The following MACROD2 variants were observed in gnomAD, a reference collection of about 807,000 sequenced individuals.
MACROD2 encodes mono-ADP ribosylhydrolase 2, also known as ADP-ribose glycohydrolase MACROD2.
A neutral mutation model predicts 70.4 loss-of-function variants in MACROD2; 36 were observed. That is an observed-to-expected ratio of 0.51 (90% CI 0.39 to 0.68). The LOEUF is 0.68. MACROD2 is among the 30% of genes least tolerant of loss of function. MACROD2 has a pLI of 0.00. For missense variants in MACROD2, 496 were observed against 538.4 expected (o/e 0.92, Z 0.78); for synonymous variants, 172 against 178.8 (o/e 0.96, Z 0.30).
rs181683408 is a variant in MACROD2 at position 14,760,134 on chromosome 20, C to G, written c.418+75175C>G. Among the ~76,000 whole-genome samples, 174 of 152,144 alleles carry G rather than the reference C, an allele frequency of 1.1e-3. 1 individual carries two copies. The highest frequency in any genetic ancestry group is 3.3e-3 in the Admixed American group (50 of 15,296). On this transcript the variant is annotated intron_variant, in intron 5 of 17. Coordinates refer to ENST00000684519, the MANE Select transcript of MACROD2 (RefSeq NM_001351661.2). ...GAGAGGATTCATGTGTTGCACAGAA[C>G]TCCCAAGGGGAAAATAACAACTGCA...
intron 8 of MACROD2, among the ~76,000 whole-genome samples, chr20:15,749,835 G>T (rs541154553): frequency 2.0e-5 from 3 of 152,010 alleles, no homozygotes; most frequent in African/African-American, 7.2e-5. Context: ...CCTATCTCTC[G>T]CTACATACAA....
intron 3 of MACROD2, among the ~76,000 whole-genome samples, chr20:14,156,879 A>T (rs1942204786): frequency 1.3e-5 from 2 of 152,218 alleles, no homozygotes; most frequent in Non-Finnish European, 2.9e-5. Context: ...TGTAAGGGTC[A>T]TTGTGAGCAG....
At chr20:14,836,916 T>C (rs1476423688) in intron 5 of MACROD2, among the ~76,000 whole-genome samples, 2 of 152,070 alleles carry the variant, frequency 1.3e-5, no homozygotes, top group Non-Finnish European at 2.9e-5. Flanking sequence ...CAAGAACTAT[T>C]TGGTGAAATA....
intron 8 of MACROD2, among the ~76,000 whole-genome samples, chr20:15,693,800 T>G (rs1163399748): frequency 6.6e-6 from 1 of 152,194 alleles, no homozygotes; most frequent in Admixed American, 6.5e-5. Flanking sequence ...TTTGAGATTT[T>G]GGTGCACATA....
intron 5 of MACROD2, among the ~76,000 whole-genome samples, chr20:14,957,302 GA>G (rs752203938): frequency 1.3e-5 from 2 of 151,978 alleles, no homozygotes; most frequent in Non-Finnish European, 2.9e-5. Context: ...CACATTTGTG[GA>G]AATTGGAACT....
intron 8 of MACROD2, among the ~76,000 whole-genome samples, chr20:15,515,905 C>G (rs961410070): frequency 6.6e-6 from 1 of 152,156 alleles, no homozygotes; most frequent in African/African-American, 2.4e-5. Flanking sequence ...TGGAGTTAGG[C>G]AGCTTTAGAC....
intron 4 of MACROD2, among the ~76,000 whole-genome samples, chr20:14,669,846 A>G (rs1316613836): frequency 6.6e-6 from 1 of 151,944 alleles, no homozygotes; most frequent in Non-Finnish European, 1.5e-5. Context: ...GTGCCTTGCA[A>G]CTACGCCTAT....
chr20:15,556,547 C>A (rs2048171908), intron 8 of MACROD2, among the ~76,000 whole-genome samples: 1 of 152,136 alleles, frequency 6.6e-6, no homozygotes, highest in African/African-American at 2.4e-5. Flanking sequence ...TAATGAAGTT[C>A]TTCAATGATA....
intron 3 of MACROD2, among the ~76,000 whole-genome samples, chr20:14,379,584 C>A (rs6110266): frequency 6.6e-6 from 1 of 151,856 alleles, no homozygotes; most frequent in Non-Finnish European, 1.5e-5. Context: ...AAATAGAAAC[C>A]CTGTAATGAG....
intron 3 of MACROD2, among the ~76,000 whole-genome samples, chr20:14,302,642 T>A (rs1444754363): frequency 6.6e-6 from 1 of 152,036 alleles, no homozygotes; most frequent in Non-Finnish European, 1.5e-5. Flanking sequence ...GAATTCAGAC[T>A]TGGAAGTGTT....
chr20:14,582,051 C>T (rs1236839352), intron 4 of MACROD2, among the ~76,000 whole-genome samples: 2 of 96,354 alleles, frequency 2.1e-5, no homozygotes, highest in Admixed American at 1.3e-4. Flanking sequence ...TGGCTTTCCC[C>T]CTTCCTGTTT....
At chr20:15,259,556 C>A (rs1188952675) in intron 6 of MACROD2, among the ~76,000 whole-genome samples, 1 of 151,842 alleles carries the variant, frequency 6.6e-6, no homozygotes, top group African/African-American at 2.4e-5. Flanking sequence ...TACTGAAGAG[C>A]AGTTATGAGT....
At chr20:15,019,834 T>C (rs1403711655) in intron 5 of MACROD2, among the ~76,000 whole-genome samples, 1 of 152,142 alleles carries the variant, frequency 6.6e-6, no homozygotes, top group Non-Finnish European at 1.5e-5. Context: ...ATTGAGGATA[T>C]TGTGTAGGTA....
chr20:15,551,365 T>C (rs2048094193), intron 8 of MACROD2, among the ~76,000 whole-genome samples: 1 of 151,974 alleles, frequency 6.6e-6, no homozygotes, highest in Admixed American at 6.6e-5. Context: ...ACATCTCTTG[T>C]CTTTTGTCAC....
At chr20:14,188,674 G>A (rs1179399452) in intron 3 of MACROD2, among the ~76,000 whole-genome samples, 1 of 152,122 alleles carries the variant, frequency 6.6e-6, no homozygotes, top group African/African-American at 2.4e-5. Context: ...ACCGCTGCAA[G>A]ATATTGTGAA....
At chr20:15,048,071 C>T (rs1466058505) in intron 5 of MACROD2, among the ~76,000 whole-genome samples, 2 of 146,720 alleles carry the variant, frequency 1.4e-5, no homozygotes, top group African/African-American at 2.4e-5. Context: ...CAAGAACAGC[C>T]CGGCCAACAT....
intron 5 of MACROD2, among the ~76,000 whole-genome samples, chr20:14,847,892 G>A (rs939874286): frequency 1.3e-5 from 2 of 152,114 alleles, no homozygotes; most frequent in Non-Finnish European, 2.9e-5. Flanking sequence ...CTCACAGAAG[G>A]TTGCAGGATT....
intron 8 of MACROD2, among the ~76,000 whole-genome samples, chr20:15,691,276 T>C (rs1034151060): frequency 3.3e-5 from 5 of 152,238 alleles, no homozygotes; most frequent in Non-Finnish European, 5.9e-5. Flanking sequence ...TTCAATCTGC[T>C]GAACAGGATG....
At chr20:14,570,007 CA>C (rs1384072713) in intron 4 of MACROD2, among the ~76,000 whole-genome samples, 2 of 152,136 alleles carry the variant, frequency 1.3e-5, no homozygotes, top group East Asian at 3.9e-4. Flanking sequence ...CTCTAACTAG[CA>C]ATTCCATTTC....
Sources: gnomAD v4.1 joint callset for allele counts (sites outside exome capture counted in the v4.1 genomes callset) on GRCh38, gnomAD v4.1.1 for gene constraint, MANE v1.5 for transcripts, NCBI Gene and HGNC (gene_info 2026-07-23, HGNC 2026-07-21) for gene names.